The following HAO2 variants were observed in gnomAD, a reference collection of about 807,000 sequenced individuals.
The protein encoded by HAO2 is 2-Hydroxyacid oxidase 2.
A neutral mutation model predicts 37.4 loss-of-function variants in HAO2; 42 were observed. The ratio of observed to expected loss-of-function variants is 1.12; its 90% confidence interval spans 0.88 to 1.45. The LOEUF (loss-of-function observed/expected upper bound fraction) is 1.45, where lower values mean the gene tolerates loss of function less well. HAO2 is among the 40% of genes most tolerant of loss of function. The pLI is 0.00. For missense variants in HAO2, 476 were observed against 430.2 expected (o/e 1.11, Z -0.94); for synonymous variants, 180 against 162.8 (o/e 1.11, Z -0.81).
intron 1 of HAO2, chr1:119,380,634 T>C (rs1002408390): frequency 3.1e-6 from 4 of 1,297,268 alleles, no homozygotes; most frequent in African/African-American, 2.9e-5. Flanking sequence ...CGTGGGCACA[T>C]TGAAAGACAA....
rs1048007321 is a variant in HAO2, at chr1:119,385,943, G to C, written c.562-679G>C. 12 of 954,206 alleles carry C rather than the reference G, an allele frequency of 1.3e-5. No homozygotes were observed. In the Admixed American group the frequency reaches 6.2e-4, roughly 49 times the overall value. 59.1% of individuals were successfully genotyped at this position (954,206 alleles called of 1,614,324 possible). A position where few individuals can be genotyped will look rare whatever the true frequency, so the allele number is the denominator to read the frequency against. On this transcript the variant is annotated intron_variant, in intron 4 of 7. Coordinates refer to ENST00000325945, the MANE Select transcript of HAO2 (RefSeq NM_016527.4). The stretch of plus-strand genomic sequence containing the variant: ...TAGTATTGCTTAGTTCTTATCCTGG[G>C]TATGCCTCAACCGTAACATATCACA...
chr1:119,380,753 A>T (rs752898322), intron 1 of HAO2: 1 of 1,471,918 alleles, frequency 6.8e-7, no homozygotes, highest in Non-Finnish European at 9.5e-7. Context: ...ATTTTTTGTA[A>T]TAAGCTTTTA....
At chr1:119,385,538 G>A (rs1025648098) in intron 4 of HAO2, 4 of 917,350 alleles carry the variant, frequency 4.4e-6, no homozygotes, top group East Asian at 1.2e-4. Context: ...TTGAAACTGA[G>A]GAATCAATAT....
chr1:119,380,230 A>G (rs1361545018), intron 1 of HAO2, among the ~76,000 whole-genome samples: 1 of 152,076 alleles, frequency 6.6e-6, no homozygotes, highest in Non-Finnish European at 1.5e-5. Context: ...TCTACTGGAG[A>G]GATTTATTCA....
At chr1:119,377,680 C>T (rs1245196159) in intron 1 of HAO2, among the ~76,000 whole-genome samples, 1 of 152,210 alleles carries the variant, frequency 6.6e-6, no homozygotes. Context: ...GTTGGGGAGG[C>T]CTCACAATCA....
At chr1:119,373,513 C>T (rs767679676) in intron 1 of HAO2, among the ~76,000 whole-genome samples, 2 of 152,120 alleles carry the variant, frequency 1.3e-5, no homozygotes, top group Non-Finnish European at 2.9e-5. Context: ...AAGTTATTCT[C>T]ATAGTCTTCC....
At chr1:119,378,208 C>T (rs1300820436) in intron 1 of HAO2, among the ~76,000 whole-genome samples, 1 of 152,112 alleles carries the variant, frequency 6.6e-6, no homozygotes, top group Non-Finnish European at 1.5e-5. Context: ...ACCAACTGCA[C>T]TCCAGCCTGG....
At chr1:119,385,083 G>A (rs770278052) in intron 4 of HAO2, 30 bp downstream of exon 4, 12 of 1,592,312 alleles carry the variant, frequency 7.5e-6, no homozygotes, top group Non-Finnish European at 1.0e-5. Context: ...CGATGGACAG[G>A]CATTACAAGA....
Position 119,393,916 on chromosome 1 carries a change from TG to T in HAO2, c.*77del. 1 of 1,606,890 alleles carries T rather than the reference TG, an allele frequency of 6.2e-7. No homozygotes were observed. Among genetic ancestry groups the T allele is most frequent in the South Asian group, 1.1e-5 (1 of 90,818 alleles). ...AAACTCACAGCACAGTGTGTGATGC[TG>T]TCCTTCCTGGACCCCATTCTGTCCG... On this transcript the variant is annotated 3_prime_UTR_variant, in exon 8 of 8. Transcript: ENST00000325945.
rs369339385 is a variant in HAO2 at position 119,388,461 on chromosome 1, T to C, written c.771+1630T>C. 7.9e-5 allele frequency among the ~76,000 whole-genome samples: 12 copies of C among 152,304 alleles called. No individual in the cohort carries two copies. In the South Asian group the frequency reaches 2.5e-3, roughly 32 times the overall value. On this transcript the variant is annotated intron_variant, in intron 5 of 7. Coordinates refer to ENST00000325945, the MANE Select transcript of HAO2 (RefSeq NM_016527.4). ...TCCCCACTAGAGAATGAGTATTGGC[T>C]AAGGTAGGGGCCAGGGAGAGGAGAA...
chr1:119,369,997 T>C (rs1025814627), intron 1 of HAO2: 2 of 152,314 alleles, frequency 1.3e-5, no homozygotes, highest in South Asian at 4.1e-4. Context: ...TAAATATTTA[T>C]TTCTTCCTTA....
intron 5 of HAO2, among the ~76,000 whole-genome samples, chr1:119,389,402 A>G (rs373177752): frequency 1.3e-5 from 2 of 151,294 alleles, no homozygotes; most frequent in South Asian, 2.1e-4. Context: ...ACTAGCTCAC[A>G]TTCCCACCAG....
chr1:119,391,945 T>A (rs1650943342), intron 5 of HAO2, among the ~76,000 whole-genome samples, 165 bp from the exon 6 acceptor site: 2 of 152,074 alleles, frequency 1.3e-5, no homozygotes, highest in Admixed American at 1.3e-4. Context: ...GCCTCAGGAA[T>A]GTGACTGCCG....
chr1:119,373,426 A>G (rs1359745065), intron 1 of HAO2, among the ~76,000 whole-genome samples: 1 of 152,132 alleles, frequency 6.6e-6, no homozygotes, highest in Non-Finnish European at 1.5e-5. Flanking sequence ...AGAAGACCTG[A>G]GTTCATTTAT....
intron 1 of HAO2, chr1:119,380,732 C>T (rs1557846840): frequency 1.3e-6 from 2 of 1,575,568 alleles, no homozygotes; most frequent in Admixed American, 1.7e-5. Flanking sequence ...AGGCAAGATA[C>T]AAAAATAAGA....
chr1:119,384,711 CA>C, intron 3 of HAO2, 64 bp from the exon 4 acceptor site: 1 of 1,391,926 alleles, frequency 7.2e-7, no homozygotes, highest in Non-Finnish European at 1.0e-6. Context: ...CACAGACTCC[CA>C]AGGTTTTCAG....
chr1:119,389,534 A>G (rs1650703113), intron 5 of HAO2, among the ~76,000 whole-genome samples: 1 of 151,946 alleles, frequency 6.6e-6, no homozygotes, highest in Non-Finnish European at 1.5e-5. Flanking sequence ...TTCCCTAATC[A>G]TTAGTGATGT....
intron 1 of HAO2, chr1:119,380,665 T>C (rs979370906): frequency 4.5e-6 from 7 of 1,571,464 alleles, no homozygotes; most frequent in Non-Finnish European, 6.1e-6. Flanking sequence ...TGATCAGCCT[T>C]GAACTTTAGG....
chr1:119,374,713 T>C (rs1438885601), intron 1 of HAO2, among the ~76,000 whole-genome samples: 1 of 152,200 alleles, frequency 6.6e-6, no homozygotes, highest in East Asian at 1.9e-4. Context: ...AAATATAAGC[T>C]GTGATAACCC....
Sources: gnomAD v4.1 joint callset for allele counts (sites outside exome capture counted in the v4.1 genomes callset) on GRCh38, gnomAD v4.1.1 for gene constraint, MANE v1.5 for transcripts, NCBI Gene and HGNC (gene_info 2026-07-23, HGNC 2026-07-21) for gene names.